PARPBP: variants seen among roughly 807,000 people sequenced by gnomAD.
The protein encoded by PARPBP is PARP1 binding protein.
In PARPBP, 52 loss-of-function variants were observed where a neutral mutation model predicts 50.0. The ratio of observed to expected loss-of-function variants is 1.04; its 90% CI spans 0.83 to 1.31. The LOEUF (loss-of-function observed/expected upper bound fraction) is 1.31, where lower values mean the gene tolerates loss of function less well. Among genes scored for constraint, PARPBP ranks in the 50% most tolerant of loss-of-function variants. The probability of loss-of-function intolerance (pLI) is 0.00; values close to 1 mark genes in which losing one functional copy is unlikely to be tolerated. For synonymous variants in PARPBP, 244 were observed against 232.1 expected (o/e 1.05, Z -0.47); for missense variants, 697 against 672.0 (o/e 1.04, Z -0.41).
intron 1 of PARPBP, among the ~76,000 whole-genome samples, chr12:102,122,343 C>T (rs563453132): frequency 7.9e-4 from 121 of 152,254 alleles, no homozygotes; most frequent in Non-Finnish European, 1.3e-3. Context: ...CTTTAAGTTG[C>T]ATCATAGATT....
rs761908382 is a variant in PARPBP at position 102,197,496 on chromosome 12, A to G, written c.*1205A>G. On this transcript the variant is annotated 3_prime_UTR_variant, in exon 11 of 11. Transcript: ENST00000327680. The stretch of plus-strand genomic sequence containing the variant: ...GAATCATTTAAATTTTCATTGAAAT[A>G]AACGACAAGTCACATTGCCACTTAC... The G allele has an allele frequency of 1.9e-6, 3 of 1,566,320 alleles. No individual in the cohort carries two copies. The highest frequency in any genetic ancestry group is 2.6e-6 in the Non-Finnish European group (3 of 1,160,328).
intron 9 of PARPBP, 117 bp from the exon 10 acceptor site, chr12:102,195,195 A>G: frequency 3.5e-6 from 2 of 565,728 alleles, no homozygotes; most frequent in Non-Finnish European, 5.9e-6. Context: ...TCAATGAGTA[A>G]TAGAATTTCT....
At chr12:102,167,320 A>G (rs1888241087) in intron 6 of PARPBP, among the ~76,000 whole-genome samples, 1 of 152,132 alleles carries the variant, frequency 6.6e-6, no homozygotes, top group South Asian at 2.1e-4. Flanking sequence ...TTATTTCTCT[A>G]AGATTATTTA....
At chr12:102,148,054 T>G (rs2138665755) in intron 2 of PARPBP, among the ~76,000 whole-genome samples, 176 bp from the exon 3 acceptor site, 1 of 152,334 alleles carries the variant, frequency 6.6e-6, no homozygotes, top group East Asian at 1.9e-4. Context: ...CCTTTTTCTT[T>G]TATATCTGGT....
rs1881556495 is a variant in PARPBP, at chr12:102,123,977, C to T, written c.89C>T (p.Thr30Ile). ...GCTCTTTGTAACTCTGAGAGAACTA[C>T]TCTATGTGGTGCAGACTCCATGCTC... is the stretch of plus-strand genomic sequence containing the variant. ...WRALCNSERT[T>I]LCGADSMLLA... Residue 30 changes from threonine (T) to isoleucine (I), a missense_variant, in exon 2 of 11, where the codon ACT becomes ATT. By Grantham distance (89) the Thr-to-Ile change is moderately conservative. Coordinates refer to ENST00000327680, the MANE Select transcript of PARPBP (RefSeq NM_017915.5). 6.5e-7 allele frequency: 1 copy of T among 1,534,050 alleles called. No individual in the cohort carries two copies. The highest frequency in any genetic ancestry group is 1.4e-5 in the African/African-American group (1 of 73,008).
intron 9 of PARPBP, among the ~76,000 whole-genome samples, chr12:102,184,404 T>C (rs17032298): frequency 0.028 from 4,310 of 152,268 alleles, 178 homozygotes; most frequent in African/African-American, 0.087. Flanking sequence ...AGAGTGTTTT[T>C]AAAGAAAATG....
At chr12:102,142,750 A>T (rs760205433) in intron 2 of PARPBP, among the ~76,000 whole-genome samples, 1 of 152,206 alleles carries the variant, frequency 6.6e-6, no homozygotes, top group Non-Finnish European at 1.5e-5. Flanking sequence ...AGTTTGCTGG[A>T]GGTCCACTCC....
intron 2 of PARPBP, among the ~76,000 whole-genome samples, chr12:102,144,022 G>A (rs2138361559): frequency 6.6e-6 from 1 of 152,210 alleles, no homozygotes; most frequent in South Asian, 2.1e-4. Context: ...GAAGAGAAAG[G>A]AAATTGACAT....
chr12:102,151,911 A>T (rs1250165725), intron 3 of PARPBP: 2 of 748,032 alleles, frequency 2.7e-6, no homozygotes, highest in African/African-American at 3.5e-5. Context: ...CTTCAGTTTA[A>T]TATAAAACCA....
intron 3 of PARPBP, among the ~76,000 whole-genome samples, chr12:102,150,080 T>C (rs1885984488): frequency 6.6e-6 from 1 of 152,216 alleles, no homozygotes; most frequent in South Asian, 2.1e-4. Flanking sequence ...GGTTAAGTTA[T>C]AGTATGATAT....
intron 2 of PARPBP, among the ~76,000 whole-genome samples, chr12:102,146,455 A>C (rs1011001651): frequency 1.3e-5 from 2 of 152,188 alleles, no homozygotes; most frequent in African/African-American, 4.8e-5. Flanking sequence ...TGAGAAAAAC[A>C]AGCAATAGGG....
intron 9 of PARPBP, among the ~76,000 whole-genome samples, chr12:102,190,198 A>G (rs1890671000): frequency 6.6e-6 from 1 of 151,816 alleles, no homozygotes; most frequent in Non-Finnish European, 1.5e-5. Context: ...CTCTTTTTCC[A>G]CCTCCAAACT....
At chr12:102,132,796 A>G (rs932427430) in intron 2 of PARPBP, among the ~76,000 whole-genome samples, 1 of 152,132 alleles carries the variant, frequency 6.6e-6, no homozygotes, top group Non-Finnish European at 1.5e-5. Context: ...ATATGGGATA[A>G]CTTTCCGTAT....
At chr12:102,183,707 C>G (rs2137022002) in intron 9 of PARPBP, among the ~76,000 whole-genome samples, 1 of 152,112 alleles carries the variant, frequency 6.6e-6, no homozygotes, top group East Asian at 1.9e-4. Context: ...TGGATACTGA[C>G]AAACTTTAAT....
At chr12:102,169,772 G>T (rs1292594840) in intron 6 of PARPBP, among the ~76,000 whole-genome samples, 1 of 152,026 alleles carries the variant, frequency 6.6e-6, no homozygotes, top group Non-Finnish European at 1.5e-5. Flanking sequence ...AAACTTTTCA[G>T]TGATTCCATA....
chr12:102,196,332 C>G lies in PARPBP; in HGVS notation c.*41C>G. 7.9e-7 allele frequency: 1 copy of G among 1,268,948 alleles called. No homozygotes were observed. The highest frequency in any genetic ancestry group is 1.1e-6 in the Non-Finnish European group (1 of 909,796). 78.6% of individuals were successfully genotyped at this position (1,268,948 alleles called of 1,614,324 possible). Reference sequence around the variant, plus strand: ...GCTTTAGGTTTATGTATCTATAAACCATTCACCAAAGACATGCTTAATTTT... The same window carrying G: ...GCTTTAGGTTTATGTATCTATAAACGATTCACCAAAGACATGCTTAATTTT... On this transcript the variant is annotated 3_prime_UTR_variant, in exon 11 of 11. Coordinates refer to ENST00000327680, the MANE Select transcript of PARPBP (RefSeq NM_017915.5).
chr12:102,123,617 G>T (rs902875212), intron 1 of PARPBP, among the ~76,000 whole-genome samples: 1 of 151,398 alleles, frequency 6.6e-6, no homozygotes, highest in African/African-American at 2.4e-5. Context: ...AAATTTGCAT[G>T]TCTGTTTTTG....
intron 6 of PARPBP, among the ~76,000 whole-genome samples, chr12:102,174,813 T>C (rs566573239): frequency 1.3e-5 from 2 of 152,326 alleles, no homozygotes; most frequent in African/African-American, 4.8e-5. Context: ...TAAAGAAATA[T>C]CAATTTCGGG....
chr12:102,141,608 T>C (rs1884613173), intron 2 of PARPBP, among the ~76,000 whole-genome samples: 1 of 152,238 alleles, frequency 6.6e-6, no homozygotes, highest in Non-Finnish European at 1.5e-5. Context: ...TGGCATGTTT[T>C]TGCAGTGGCT....
Sources: allele counts gnomAD v4.1 joint callset (sites outside exome capture counted in the v4.1 genomes callset), GRCh38; gene constraint gnomAD v4.1.1; transcripts MANE v1.5; gene names NCBI Gene and HGNC (gene_info 2026-07-23, HGNC 2026-07-21).